CNTNAP4: variants seen among roughly 807,000 people sequenced by gnomAD.
The protein encoded by CNTNAP4 is contactin-associated protein-like 4.
A neutral mutation model predicts 148.4 loss-of-function variants in CNTNAP4; 98 were observed. The observed-to-expected ratio is 0.66, with a 90% confidence interval of 0.56 to 0.78. CNTNAP4 has a LOEUF of 0.78. Among genes scored for constraint, CNTNAP4 ranks in the 30% least tolerant of loss-of-function variants. CNTNAP4 has a pLI of 0.00. For missense variants in CNTNAP4, 1,935 were observed against 1,565.6 expected, an observed-to-expected ratio of 1.24 and a Z score of -3.98; for synonymous variants, 730 against 565.1, an observed-to-expected ratio of 1.29 and a Z score of -4.14.
At chr16:76,349,059 T>G (rs1442938618) in intron 2 of CNTNAP4, among the ~76,000 whole-genome samples, 1 of 152,056 alleles carries the variant, frequency 6.6e-6, no homozygotes, top group African/African-American at 2.4e-5. Flanking sequence ...GAATGTCTTA[T>G]GTAACTAGAA....
rs2081203292 is a variant in CNTNAP4, at chr16:76,467,208, C to G, written c.1484-144C>G. The G allele has an allele frequency of 8.4e-5, 57 of 676,950 alleles. 1 individual carries two copies. The South Asian group carries it at 1.1e-3, about 13-fold the overall frequency. The allele number at this position is 676,950 out of a possible 1,614,324, so 41.9% of individuals were successfully genotyped here. ...ATTTCAGTTTGTAATTTAGATCAAA[C>G]TAATAATGACTGCAGTCATTATTCC... On this transcript the variant is annotated intron_variant, in intron 9 of 23. Transcript: ENST00000611870.
chr16:76,539,672 C>G (rs998202886), intron 19 of CNTNAP4, 47 bp from the exon 20 acceptor site: 3 of 1,511,068 alleles, frequency 2.0e-6, no homozygotes, highest in Admixed American at 2.4e-5. Context: ...AAGCCGCTCT[C>G]AAAGTACGAT....
chr16:76,447,338 GTA>G (rs147278697), intron 4 of CNTNAP4, among the ~76,000 whole-genome samples: 1 of 117,370 alleles, frequency 8.5e-6, no homozygotes, highest in Non-Finnish European at 1.9e-5. Context: ...ATGAAATTAT[GTA>G]TATATATATA....
intron 10 of CNTNAP4, among the ~76,000 whole-genome samples, chr16:76,472,579 C>T (rs773869608): frequency 9.3e-5 from 14 of 149,774 alleles, no homozygotes; most frequent in Non-Finnish European, 2.1e-4. Flanking sequence ...CTGCAAAGGA[C>T]GTGATGTCAT....
intron 12 of CNTNAP4, among the ~76,000 whole-genome samples, chr16:76,483,236 ACACAC>A (rs2081906461): frequency 3.0e-5 from 1 of 33,072 alleles, no homozygotes; most frequent in African/African-American, 2.6e-4. Flanking sequence ...TAAGAAACAC[ACACAC>A]ACACACACAC....
intron 15 of CNTNAP4, among the ~76,000 whole-genome samples, chr16:76,518,724 A>C (rs1429963317): frequency 6.6e-6 from 1 of 152,050 alleles, no homozygotes; most frequent in African/African-American, 2.4e-5. Flanking sequence ...TCTCCTAGCT[A>C]TTTTGAAATA....
chr16:76,353,069 G>A (rs2012048661), intron 2 of CNTNAP4, among the ~76,000 whole-genome samples: 1 of 152,104 alleles, frequency 6.6e-6, no homozygotes, highest in African/African-American at 2.4e-5. Flanking sequence ...CAAATCACAG[G>A]TTCTTTAAGA....
chr16:76,441,067 C>G (rs1180759789), intron 4 of CNTNAP4, among the ~76,000 whole-genome samples: 1 of 152,034 alleles, frequency 6.6e-6, no homozygotes, highest in Admixed American at 6.6e-5. Context: ...TTCTTAGAGG[C>G]TACAGCGGAT....
chr16:76,386,378 A>C (rs1007532918), intron 3 of CNTNAP4, among the ~76,000 whole-genome samples: 2 of 152,148 alleles, frequency 1.3e-5, no homozygotes, highest in Admixed American at 6.5e-5. Context: ...AGTGGTACAC[A>C]TTTTTTAAAA....
chr16:76,522,673 TCTCTCTTTCTCTC>T (rs1181198471), intron 17 of CNTNAP4, among the ~76,000 whole-genome samples: 1 of 89,568 alleles, frequency 1.1e-5, no homozygotes, highest in African/African-American at 4.5e-5. Context: ...TTTCCTTCTT[TCTCTCTTTCTCTC>T]CTTTCTTTTC....
chr16:76,362,982 G>T (rs1474679801), intron 3 of CNTNAP4, among the ~76,000 whole-genome samples: 1 of 151,872 alleles, frequency 6.6e-6, no homozygotes. Flanking sequence ...CCAGCATTTT[G>T]GGAGGAGGAG....
At chr16:76,438,962 T>C (rs997656959) in intron 4 of CNTNAP4, among the ~76,000 whole-genome samples, 14 of 152,194 alleles carry the variant, frequency 9.2e-5, no homozygotes, top group Admixed American at 7.9e-4. Flanking sequence ...TATGTACAAT[T>C]ACATATCTTT....
chr16:76,388,117 G>A (rs2016666365), intron 3 of CNTNAP4, among the ~76,000 whole-genome samples: 2 of 152,144 alleles, frequency 1.3e-5, no homozygotes, highest in South Asian at 4.1e-4. Flanking sequence ...GTGTGGGTGG[G>A]TTGTGATTAC....
At chr16:76,447,225 G>A (rs532416122) in intron 4 of CNTNAP4, among the ~76,000 whole-genome samples, 30 of 151,952 alleles carry the variant, frequency 2.0e-4, no homozygotes, top group African/African-American at 6.5e-4. Context: ...TGGGAGGGTC[G>A]CTTGAGCCTC....
chr16:76,494,917 C>A lies in CNTNAP4; in HGVS notation c.2088C>A (p.Thr696=), dbSNP rs757695172. ...TTCACGTTTTTCTTTCAGATGGAAC[C>A]CCTCTGAGTTGGTGGGTAGGAAGAA... ...KSRLVNKQDG[T]PLSWWVGRTN... is the part of the protein sequence containing the mutation. The change falls in exon 14 of 24, where the codon ACC becomes ACA. Residue 696 remains threonine, a synonymous_variant. Coordinates refer to ENST00000611870, the MANE Select transcript of CNTNAP4 (RefSeq NM_033401.5). 13 of 1,611,762 alleles carry A rather than the reference C, an allele frequency of 8.1e-6. No individual in the cohort carries two copies. In the Middle Eastern group the frequency reaches 4.9e-4, roughly 61 times the overall value.
chr16:76,309,828 A>G (rs1960896925), intron 1 of CNTNAP4: 5 of 700,214 alleles, frequency 7.1e-6, no homozygotes, highest in South Asian at 5.9e-5. Context: ...TGGGTTGCTC[A>G]GGGGTTTCCG....
At chr16:76,322,820 TTTTTA>T (rs1252322717) in intron 2 of CNTNAP4, among the ~76,000 whole-genome samples, 1 of 150,852 alleles carries the variant, frequency 6.6e-6, no homozygotes. Context: ...AATTTATTCC[TTTTTA>T]TTTTATTTTT....
At chr16:76,347,530 A>G (rs1245138138) in intron 2 of CNTNAP4, among the ~76,000 whole-genome samples, 1 of 152,206 alleles carries the variant, frequency 6.6e-6, no homozygotes, top group African/African-American at 2.4e-5. Flanking sequence ...TTCTGTCAAA[A>G]ATGAAAAAGT....
Position 76,553,285 on chromosome 16 carries a change from C to G in CNTNAP4, c.3445C>G (p.His1149Asp), listed in dbSNP as rs760533602. Residue 1149 changes from histidine (H) to aspartate (D), a missense_variant and splice_region_variant, in exon 22 of 24, where the codon CAC (histidine) becomes GAC (aspartate). By Grantham distance (81) the His-to-Asp change is moderately conservative. Transcript: ENST00000611870. ...TCGGTGTTTCTTTGAATTTCTAGAA[C>G]ACAGTGATGTGGACCAGGATACTGC... ...KSLVLGRILE[H>D]SDVDQDTALA... The G allele has an allele frequency of 4.4e-6, 7 of 1,581,208 alleles. No homozygotes were observed. The highest frequency in any genetic ancestry group is 1.7e-4 in the Middle Eastern group (1 of 5,966).
Sources: allele counts gnomAD v4.1 joint callset (sites outside exome capture counted in the v4.1 genomes callset), GRCh38; gene constraint gnomAD v4.1.1; transcripts MANE v1.5; gene names NCBI Gene and HGNC (gene_info 2026-07-23, HGNC 2026-07-21).